Variants in PKN2 observed in about 807,000 individuals in gnomAD.
The protein encoded by PKN2 is protein kinase N2.
PKN2 carries 38 observed loss-of-function variants against 119.1 expected under a neutral mutation model. That is an observed-to-expected ratio of 0.32 (90% CI 0.25 to 0.42). The LOEUF (loss-of-function observed/expected upper bound fraction) is 0.42, where lower values mean the gene tolerates loss of function less well. PKN2 is among the 10% of genes least tolerant of loss of function. PKN2 has a pLI of 1.00. For synonymous variants in PKN2, 390 were observed against 384.9 expected (o/e 1.01, Z -0.15); for missense variants, 850 against 1,165.1 (o/e 0.73, Z 3.94).
chr1:88,806,154 T>C, intron 12 of PKN2, 137 bp downstream of exon 12: 1 of 785,174 alleles, frequency 1.3e-6, no homozygotes, highest in Non-Finnish European at 2.0e-6. Context: ...TTGTTTTTTG[T>C]TTTTGTTTTT....
chr1:88,831,129 A>G (rs566231836), intron 19 of PKN2, among the ~76,000 whole-genome samples: 4 of 152,052 alleles, frequency 2.6e-5, no homozygotes, highest in African/African-American at 7.2e-5. Flanking sequence ...AATGCTGGAC[A>G]TGGTTTTAGA....
chr1:88,777,928 A>G (rs1415547159), intron 6 of PKN2, among the ~76,000 whole-genome samples: 1 of 152,206 alleles, frequency 6.6e-6, no homozygotes, highest in East Asian at 1.9e-4. Context: ...TTCATCTACA[A>G]AATGAGAACC....
At chr1:88,815,434 CT>C in intron 16 of PKN2, 2 of 352,136 alleles carry the variant, frequency 5.7e-6, no homozygotes, top group Non-Finnish European at 1.1e-5. Flanking sequence ...TCTGTATTAT[CT>C]TTTTCATATC....
chr1:88,773,379 T>C (rs1339530053), intron 6 of PKN2, among the ~76,000 whole-genome samples: 2 of 152,202 alleles, frequency 1.3e-5, no homozygotes, highest in African/African-American at 2.4e-5. Context: ...GTATCTTTAG[T>C]AGAGACAGGG....
At chr1:88,807,872 T>C (rs1053398576) in intron 15 of PKN2, 97 bp downstream of exon 15, 39 of 687,234 alleles carry the variant, frequency 5.7e-5, no homozygotes, top group Admixed American at 4.6e-4. Context: ...GATTTTACAG[T>C]AATATGTGAA....
rs1035053750 is a variant in PKN2, at chr1:88,834,509, A to G, written c.*1061A>G. 2 of 152,492 alleles carry G rather than the reference A, an allele frequency of 1.3e-5. No individual in the cohort carries two copies. Among genetic ancestry groups the G allele is most frequent in the African/African-American group, 4.8e-5 (2 of 41,434 alleles). The allele number at this position is 152,492 out of a possible 1,614,324, so 9.4% of individuals were successfully genotyped here. A position where few individuals can be genotyped will look rare whatever the true frequency, so the allele number is the denominator to read the frequency against. On this transcript the variant is annotated 3_prime_UTR_variant, in exon 22 of 22. Transcript: ENST00000370521. ...GTACAGTGGCCAAGCAGACACCTCA[A>G]ACTCCAGCATTTACATTAAGTGCAT... is the stretch of plus-strand genomic sequence containing the variant.
chr1:88,828,720 G>C, intron 19 of PKN2, 97 bp downstream of exon 19: 1 of 999,324 alleles, frequency 1.0e-6, no homozygotes, highest in Non-Finnish European at 1.4e-6. Context: ...TTCAGTATGA[G>C]TGGAATTTAA....
At chr1:88,694,180 A>G (rs1024485716) in intron 1 of PKN2, among the ~76,000 whole-genome samples, 19 of 152,162 alleles carry the variant, frequency 1.2e-4, no homozygotes, top group African/African-American at 3.6e-4. Flanking sequence ...TGTGCATTCT[A>G]TGGGTTTGTA....
chr1:88,779,566 C>T (rs1471780936), intron 6 of PKN2, among the ~76,000 whole-genome samples: 2 of 151,920 alleles, frequency 1.3e-5, no homozygotes, highest in African/African-American at 4.8e-5. Flanking sequence ...ACATCACCTA[C>T]AAAGGCTTCT....
intron 1 of PKN2, among the ~76,000 whole-genome samples, chr1:88,726,653 A>G (rs1433269276): frequency 6.6e-6 from 1 of 152,110 alleles, no homozygotes; most frequent in African/African-American, 2.4e-5. Context: ...TGTCAGGGTA[A>G]CACCAACCTC....
At chr1:88,778,679 T>TG (rs1354423564) in intron 6 of PKN2, among the ~76,000 whole-genome samples, 3 of 152,180 alleles carry the variant, frequency 2.0e-5, no homozygotes, top group Non-Finnish European at 4.4e-5. Context: ...TTTTGACAGA[T>TG]GCCCTCCACT....
intron 16 of PKN2, among the ~76,000 whole-genome samples, chr1:88,819,783 A>G (rs942589783): frequency 2.0e-5 from 3 of 152,216 alleles, no homozygotes; most frequent in Non-Finnish European, 4.4e-5. Context: ...GATAGACTGC[A>G]TAAAGAAAAT....
chr1:88,770,885 C>CT (rs67908637), intron 4 of PKN2, among the ~76,000 whole-genome samples: 4,073 of 141,376 alleles, frequency 0.029, 95 homozygotes, highest in Non-Finnish European at 0.042. Flanking sequence ...GCGCCCGGCC[C>CT]TTTTTTTTTT....
intron 8 of PKN2, 76 bp downstream of exon 8, chr1:88,786,289 C>T (rs1044227022): frequency 1.6e-5 from 11 of 700,958 alleles, no homozygotes. Flanking sequence ...TAGAAGGCTT[C>T]AACAAGTTGT....
At chr1:88,788,006 G>A (rs1351621439) in intron 8 of PKN2, among the ~76,000 whole-genome samples, 2 of 151,968 alleles carry the variant, frequency 1.3e-5, no homozygotes, top group Admixed American at 6.6e-5. Context: ...CATTTCAAGC[G>A]GCCTTAGTAA....
At chr1:88,822,367 T>TAA (rs1672328550) in intron 17 of PKN2, among the ~76,000 whole-genome samples, 1 of 152,168 alleles carries the variant, frequency 6.6e-6, no homozygotes, top group South Asian at 2.1e-4. Context: ...TAGCTTGTGT[T>TAA]AGAGTGTAAA....
At chr1:88,751,197 T>C (rs553078951) in intron 2 of PKN2, among the ~76,000 whole-genome samples, 32 of 152,260 alleles carry the variant, frequency 2.1e-4, no homozygotes, top group African/African-American at 7.2e-4. Flanking sequence ...CACGTGTGTG[T>C]GTGTAGATTA....
chr1:88,720,020 G>GT (rs1051786728), intron 1 of PKN2, among the ~76,000 whole-genome samples: 2 of 151,882 alleles, frequency 1.3e-5, no homozygotes, highest in South Asian at 2.1e-4. Context: ...GAGTCAAAAT[G>GT]TTTTTTGTTG....
intron 1 of PKN2, among the ~76,000 whole-genome samples, chr1:88,738,187 AAAC>A (rs770219381): frequency 4.0e-5 from 6 of 151,784 alleles, no homozygotes; most frequent in East Asian, 1.9e-4. Context: ...AAACAAAAAA[AAAC>A]CAAACTAATC....
Sources: gnomAD v4.1 joint callset for allele counts (sites outside exome capture counted in the v4.1 genomes callset) on GRCh38, gnomAD v4.1.1 for gene constraint, MANE v1.5 for transcripts, NCBI Gene and HGNC (gene_info 2026-07-23, HGNC 2026-07-21) for gene names.